NCKAP5: variants seen among roughly 807,000 people sequenced by gnomAD.
NCKAP5 encodes the protein nck-associated protein 5.
Under a neutral mutation model 167.0 loss-of-function variants are expected in NCKAP5, and 92 were observed. The ratio of observed to expected loss-of-function variants is 0.55; its 90% CI spans 0.47 to 0.66. The LOEUF is 0.66. Ranked by LOEUF, NCKAP5 falls within the 30% of genes least tolerant of loss-of-function variation. The pLI is 0.00. For synonymous variants in NCKAP5, 891 were observed against 877.4 expected (o/e 1.02, Z -0.27); for missense variants, 2,378 against 2,315.0 (o/e 1.03, Z -0.56).
intron 11 of NCKAP5, among the ~76,000 whole-genome samples, chr2:132,804,346 A>C (rs1238750145): frequency 6.6e-6 from 1 of 152,188 alleles, no homozygotes; most frequent in Non-Finnish European, 1.5e-5. Flanking sequence ...AGTGCCCTGA[A>C]ATTTCCATTT....
At chr2:133,646,365 G>A in the NCKAP5 span, among the ~76,000 whole-genome samples, 1 of 151,918 alleles carries the variant, frequency 6.6e-6, no homozygotes, top group Non-Finnish European at 1.5e-5. Context: ...CACATACAAG[G>A]GAAACTTTTA....
intron 6 of NCKAP5, among the ~76,000 whole-genome samples, chr2:133,100,853 T>G (rs2081489634): frequency 6.6e-6 from 1 of 152,358 alleles, no homozygotes; most frequent in Admixed American, 6.5e-5. Flanking sequence ...AATATTTTGT[T>G]GACGTTTGTA....
At chr2:133,464,413 G>T (rs1480633622) in intron 3 of NCKAP5, among the ~76,000 whole-genome samples, 2 of 140,918 alleles carry the variant, frequency 1.4e-5, no homozygotes, top group Non-Finnish European at 3.0e-5. Flanking sequence ...TAAATGGGCT[G>T]GGAGTGGTGG....
intron 3 of NCKAP5, among the ~76,000 whole-genome samples, chr2:133,366,122 A>G (rs569259422): frequency 2.1e-4 from 32 of 152,332 alleles, no homozygotes; most frequent in African/African-American, 7.5e-4. Flanking sequence ...TAGTTTTGTG[A>G]GCACATTTTT....
the NCKAP5 span, among the ~76,000 whole-genome samples, chr2:133,653,768 A>G: frequency 6.6e-6 from 1 of 152,196 alleles, no homozygotes; most frequent in Non-Finnish European, 1.5e-5. Context: ...CCTGTGTTTA[A>G]TTCAGCAAAT....
At chr2:133,383,988 T>A (rs1289901255) in intron 3 of NCKAP5, among the ~76,000 whole-genome samples, 1 of 152,226 alleles carries the variant, frequency 6.6e-6, no homozygotes, top group African/African-American at 2.4e-5. Context: ...TTGCAAAAAT[T>A]TTCCCCATTC....
intron 3 of NCKAP5, among the ~76,000 whole-genome samples, chr2:133,420,979 T>G (rs1370579873): frequency 6.6e-6 from 1 of 152,188 alleles, no homozygotes; most frequent in Non-Finnish European, 1.5e-5. Context: ...TGTGACTATT[T>G]AATGATGAGC....
intron 8 of NCKAP5, among the ~76,000 whole-genome samples, chr2:132,924,266 G>A (rs1052085084): frequency 6.6e-6 from 1 of 152,078 alleles, no homozygotes; most frequent in African/African-American, 2.4e-5. Context: ...ATCAAAAAAT[G>A]GATTCATTTT....
rs1686985996 is a variant in NCKAP5 at position 132,824,522 on chromosome 2, A to T, written c.808-27793T>A. Reference sequence around the variant, plus strand: ...GGAGAAAAGGAGGCTGAGAAATAGCATATTTGGCTTTCTAATCTCTGAAGT... The same window carrying T: ...GGAGAAAAGGAGGCTGAGAAATAGCTTATTTGGCTTTCTAATCTCTGAAGT... On this transcript the variant is annotated intron_variant, in intron 11 of 19. Coordinates refer to ENST00000409261, the MANE Select transcript of NCKAP5 (RefSeq NM_207363.3). 2.0e-5 allele frequency among the ~76,000 whole-genome samples: 3 copies of T among 152,312 alleles called. No individual in the cohort carries two copies. In the South Asian group the frequency reaches 6.2e-4, roughly 32 times the overall value.
rs186827811 is a variant in NCKAP5 at position 133,523,372 on chromosome 2, T to C, written c.-61-5785A>G. Among the ~76,000 whole-genome samples, 968 of 152,012 alleles carry C rather than the reference T, an allele frequency of 6.4e-3. 29 individuals carry two copies. The highest frequency in any genetic ancestry group is 0.056 in the Admixed American group (856 of 15,250). On this transcript the variant is annotated intron_variant, in intron 2 of 19. Transcript: ENST00000409261. ...CACACCTGATCTAGACACCACTTTC[T>C]CCATCTCAATTTCTGCCTTTCTGAT... is the stretch of plus-strand genomic sequence containing the variant.
chr2:133,137,406 T>TTGTGTGTG (rs58955655), intron 5 of NCKAP5, among the ~76,000 whole-genome samples: 1,571 of 136,268 alleles, frequency 0.012, 19 homozygotes, highest in African/African-American at 0.029. Context: ...GAGCTTGGTT[T>TTGTGTGTG]TGTGTGTGTG....
intron 16 of NCKAP5, among the ~76,000 whole-genome samples, chr2:132,769,869 A>G (rs1681869530): frequency 6.6e-6 from 1 of 152,200 alleles, no homozygotes; most frequent in Non-Finnish European, 1.5e-5. Context: ...CTGGGAGTCA[A>G]TTTGCAACCA....
intron 2 of NCKAP5, among the ~76,000 whole-genome samples, chr2:133,551,630 C>G (rs1299539594): frequency 1.6e-5 from 1 of 64,232 alleles, no homozygotes; most frequent in African/African-American, 6.5e-5. Context: ...AGACCTAAAA[C>G]CATAAAAACC....
intron 3 of NCKAP5, among the ~76,000 whole-genome samples, chr2:133,339,645 A>AC (rs1683444660): frequency 6.6e-6 from 1 of 152,216 alleles, no homozygotes; most frequent in Non-Finnish European, 1.5e-5. Context: ...ATGGGGAAAA[A>AC]ATAATTAAGA....
chr2:133,324,052 A>G (rs1297091260), intron 3 of NCKAP5, among the ~76,000 whole-genome samples: 1 of 152,240 alleles, frequency 6.6e-6, no homozygotes, highest in Non-Finnish European at 1.5e-5. Flanking sequence ...GCTTCTAAAA[A>G]TACCTGCCTT....
intron 3 of NCKAP5, among the ~76,000 whole-genome samples, chr2:133,466,720 C>A (rs925744736): frequency 6.6e-6 from 1 of 152,098 alleles, no homozygotes; most frequent in African/African-American, 2.4e-5. Context: ...GGAAGAAGTC[C>A]TTCACATCCC....
intron 10 of NCKAP5, among the ~76,000 whole-genome samples, chr2:132,862,490 T>G (rs185339274): frequency 1.8e-3 from 281 of 152,352 alleles, no homozygotes; most frequent in Middle Eastern, 0.014. Flanking sequence ...GTGCACATTT[T>G]GTACTCATGA....
intron 6 of NCKAP5, among the ~76,000 whole-genome samples, chr2:133,126,142 C>T (rs1286361137): frequency 6.6e-6 from 1 of 152,180 alleles, no homozygotes; most frequent in Non-Finnish European, 1.5e-5. Context: ...CATCCTGACA[C>T]CTGAACTCTA....
the NCKAP5 span, among the ~76,000 whole-genome samples, chr2:133,603,846 G>A: frequency 6.6e-6 from 1 of 152,190 alleles, no homozygotes; most frequent in Non-Finnish European, 1.5e-5. Flanking sequence ...CGGCATGAGG[G>A]ATTTAATCCA....
Sources: allele counts gnomAD v4.1 joint callset (sites outside exome capture counted in the v4.1 genomes callset), GRCh38; gene constraint gnomAD v4.1.1; transcripts MANE v1.5; gene names NCBI Gene and HGNC (gene_info 2026-07-23, HGNC 2026-07-21).